Variants in RAD21 observed in about 807,000 individuals in gnomAD.
RAD21 encodes the protein RAD21 cohesin complex component.
RAD21 carries 18 observed loss-of-function variants against 71.5 expected under a neutral mutation model. The observed-to-expected ratio is 0.25, with a 90% CI of 0.17 to 0.37. The LOEUF (loss-of-function observed/expected upper bound fraction) is 0.37, where lower values mean the gene tolerates loss of function less well. RAD21 is among the 10% of genes least tolerant of loss of function. The probability of loss-of-function intolerance (pLI) is 1.00; values close to 1 mark genes in which losing one functional copy is unlikely to be tolerated. For synonymous variants in RAD21, 248 were observed against 254.0 expected (o/e 0.98, Z 0.22); for missense variants, 493 against 769.1 (o/e 0.64, Z 4.25).
chr8:116,867,055 T>C (rs1586276336), intron 1 of RAD21: 1 of 185,560 alleles, frequency 5.4e-6, no homozygotes, highest in East Asian at 1.2e-4. Flanking sequence ...GTAGAAATAG[T>C]CTGTTTACTG....
intron 5 of RAD21, 108 bp from the exon 6 acceptor site, chr8:116,857,581 G>T: frequency 2.1e-6 from 2 of 936,368 alleles, no homozygotes; most frequent in Non-Finnish European, 3.1e-6. Flanking sequence ...GCTTACTGAA[G>T]TCTTACTTCA....
At chr8:116,864,788 C>T (rs1360185535) in intron 2 of RAD21, among the ~76,000 whole-genome samples, 1 of 152,028 alleles carries the variant, frequency 6.6e-6, no homozygotes, top group East Asian at 1.9e-4. Context: ...AGAGTTTAGC[C>T]TAGGAGTAGG....
intron 9 of RAD21, among the ~76,000 whole-genome samples, chr8:116,854,034 A>C (rs1273482930): frequency 6.6e-6 from 1 of 152,184 alleles, no homozygotes; most frequent in Non-Finnish European, 1.5e-5. Context: ...TGTAAGGAAA[A>C]TTCATTTTAC....
intron 2 of RAD21, among the ~76,000 whole-genome samples, chr8:116,863,972 C>T (rs1231843238): frequency 6.6e-6 from 1 of 151,898 alleles, no homozygotes; most frequent in East Asian, 1.9e-4. Flanking sequence ...AACTAAGTTT[C>T]CATTAATTGG....
At chr8:116,861,747 G>A (rs971941704) in intron 4 of RAD21, 94 bp downstream of exon 4, 8 of 850,050 alleles carry the variant, frequency 9.4e-6, no homozygotes, top group Non-Finnish European at 1.5e-5. Flanking sequence ...AGCTGTTAAT[G>A]TAAAACATTC....
In RAD21 at chr8:116,847,394, T is replaced by A. The variant is rs1455303979; in HGVS notation, c.*106A>T. The A allele has an allele frequency of 2.6e-5, 26 of 1,000,874 alleles. No individual in the cohort carries two copies. In the East Asian group the frequency reaches 6.6e-4, roughly 25 times the overall value. 62.0% of individuals were successfully genotyped at this position (1,000,874 alleles called of 1,614,324 possible). ...AAGAAGGAAAAAGGCAAAGACTTTGTACAGACAAAAATCTAAGTTTTCTCA... is the reference window on the plus strand; with the variant it reads ...AAGAAGGAAAAAGGCAAAGACTTTGAACAGACAAAAATCTAAGTTTTCTCA... On this transcript the variant is annotated 3_prime_UTR_variant, in exon 14 of 14. Transcript: ENST00000297338.
rs16888966 is a variant in RAD21 at position 116,862,022 on chromosome 8, C to T, written c.275-82G>A. 0.012 allele frequency: 12,781 copies of T among 1,062,404 alleles called. 137 individuals are homozygous for T. The highest frequency in any genetic ancestry group is 0.049 in the Middle Eastern group (238 of 4,862). The allele number at this position is 1,062,404 out of a possible 1,614,324, so 65.8% of individuals were successfully genotyped here. On this transcript the variant is annotated intron_variant, in intron 3 of 13. Coordinates refer to ENST00000297338, the MANE Select transcript of RAD21 (RefSeq NM_006265.3). ...AGAGGGAGATAAGTAGGTATAACTT[C>T]CTAAGTTTATATTCTCATAGAAAGG...
At chr8:116,868,707 A>C (rs968258165) in intron 1 of RAD21, among the ~76,000 whole-genome samples, 8 of 152,180 alleles carry the variant, frequency 5.3e-5, no homozygotes, top group African/African-American at 1.9e-4. Flanking sequence ...TTCAAGACTT[A>C]CTATATAGCT....
rs13276562 is a variant in RAD21, at chr8:116,853,487, A to C, written c.1161+758T>G. On this transcript the variant is annotated intron_variant, in intron 9 of 13. Coordinates refer to ENST00000297338, the MANE Select transcript of RAD21 (RefSeq NM_006265.3). ...TAAACTGTAAAGAACAATGTAATCA[A>C]CATTTTCACAGAGATAGCTTTTCCA... 3.3e-5 allele frequency among the ~76,000 whole-genome samples: 5 copies of C among 151,868 alleles called. No homozygotes were observed. In the South Asian group the frequency reaches 8.3e-4, roughly 25 times the overall value.
At position 116,856,292 on chromosome 8, in the gene RAD21, T is replaced by C. The variant is rs1018556400; in HGVS notation, c.815-4A>G. On this transcript the variant is annotated splice_polypyrimidine_tract_variant and splice_region_variant and intron_variant, in intron 7 of 13. Coordinates refer to ENST00000297338, the MANE Select transcript of RAD21 (RefSeq NM_006265.3). Reference sequence around the variant, plus strand: ...TCAGGACTATCAGGCCCACCCACTGTAAAAAAAAAAAAAAAAAAAAAAAGT... The same window carrying C: ...TCAGGACTATCAGGCCCACCCACTGCAAAAAAAAAAAAAAAAAAAAAAAGT... 3.4e-6 allele frequency: 4 copies of C among 1,175,588 alleles called. No homozygotes were observed. Among genetic ancestry groups the C allele is most frequent in the Non-Finnish European group, 4.2e-6 (4 of 952,822 alleles). 72.8% of individuals were successfully genotyped at this position (1,175,588 alleles called of 1,614,324 possible).
chr8:116,866,134 G>A (rs139596248), intron 2 of RAD21, among the ~76,000 whole-genome samples: 93 of 152,066 alleles, frequency 6.1e-4, no homozygotes, highest in African/African-American at 2.2e-3. Context: ...TCTTTTTACT[G>A]TCTCATTTGT....
intron 10 of RAD21, 102 bp downstream of exon 10, chr8:116,852,447 T>C: frequency 8.0e-7 from 1 of 1,246,772 alleles, no homozygotes; most frequent in South Asian, 1.6e-5. Context: ...CATTTGAGTA[T>C]ATCTTTGATT....
intron 1 of RAD21, among the ~76,000 whole-genome samples, chr8:116,871,139 G>A (rs887039956): frequency 3.3e-5 from 5 of 152,202 alleles, no homozygotes; most frequent in Non-Finnish European, 7.3e-5. Context: ...TAAGGAGAAA[G>A]TGTAATTATA....
intron 1 of RAD21, among the ~76,000 whole-genome samples, chr8:116,871,314 C>CAT (rs1346597367): frequency 6.6e-6 from 1 of 152,124 alleles, no homozygotes; most frequent in African/African-American, 2.4e-5. Context: ...CACAACTTAG[C>CAT]ATTTCATGAT....
chr8:116,874,692 A>C lies in RAD21; in HGVS notation c.-114T>G, dbSNP rs1473650768. On this transcript the variant is annotated 5_prime_UTR_variant, in exon 1 of 14. Coordinates refer to ENST00000297338, the MANE Select transcript of RAD21 (RefSeq NM_006265.3). The stretch of plus-strand genomic sequence containing the variant: ...GGGGGAGGGGGTGGGGAAAGGGGGG[A>C]GCCCTTGCGAGGTGTAGCTTCCGAG... 2.4e-6 allele frequency: 1 copy of C among 417,184 alleles called. No individual in the cohort carries two copies. The highest frequency in any genetic ancestry group is 4.8e-6 in the Non-Finnish European group (1 of 208,706). 25.8% of individuals were successfully genotyped at this position (417,184 alleles called of 1,614,324 possible).
rs1812493720 is a variant in RAD21, at chr8:116,857,492, G to C, written c.482-19C>G. On this transcript the variant is annotated intron_variant, in intron 5 of 13. Transcript: ENST00000297338. ...AAATCACCTAAACAAATTTTAATTT[G>C]TCATTAGTTTAGAAAGATTAGAAAT... The C allele has an allele frequency of 6.3e-7, 1 of 1,595,858 alleles. No individual in the cohort carries two copies. Among genetic ancestry groups the C allele is most frequent in the Non-Finnish European group, 8.6e-7 (1 of 1,165,904 alleles).
chr8:116,849,519 A>G (rs1229137525), intron 12 of RAD21: 1 of 152,618 alleles, frequency 6.6e-6, no homozygotes. Flanking sequence ...CCTGCAGACT[A>G]CCTAAGTTGA....
intron 8 of RAD21, among the ~76,000 whole-genome samples, chr8:116,855,318 C>A (rs1165458229): frequency 6.6e-6 from 1 of 152,126 alleles, no homozygotes; most frequent in Non-Finnish European, 1.5e-5. Context: ...TTCAAGTATT[C>A]TATCCTACTG....
At chr8:116,872,523 G>GATAT (rs1003032659) in intron 1 of RAD21, among the ~76,000 whole-genome samples, 3 of 141,340 alleles carry the variant, frequency 2.1e-5, no homozygotes, top group East Asian at 2.1e-4. Flanking sequence ...TGTACTGTTT[G>GATAT]ATATATATAT....
Sources: allele counts gnomAD v4.1 joint callset (sites outside exome capture counted in the v4.1 genomes callset), GRCh38; gene constraint gnomAD v4.1.1; transcripts MANE v1.5; gene names NCBI Gene and HGNC (gene_info 2026-07-23, HGNC 2026-07-21).